CTNNA2: variants seen among roughly 807,000 people sequenced by gnomAD.
CTNNA2 encodes the protein catenin alpha-2.
Under a neutral mutation model 101.0 loss-of-function variants are expected in CTNNA2, and 42 were observed. The ratio of observed to expected loss-of-function variants is 0.42; its 90% CI spans 0.32 to 0.54. The LOEUF is 0.54. Among genes scored for constraint, CTNNA2 ranks in the 20% least tolerant of loss-of-function variants. The pLI is 0.14. For missense variants in CTNNA2, 871 were observed against 1,223.1 expected (o/e 0.71, Z 4.29); for synonymous variants, 450 against 456.4 (o/e 0.99, Z 0.18).
At chr2:79,545,877 A>T (rs1673701042) in intron 1 of CTNNA2, among the ~76,000 whole-genome samples, 1 of 152,240 alleles carries the variant, frequency 6.6e-6, no homozygotes, top group Admixed American at 6.5e-5. Context: ...AAAGCACTTC[A>T]TATGTGTCAG....
chr2:79,350,977 A>G (rs530832743), intron 3 of CTNNA2, among the ~76,000 whole-genome samples: 1 of 152,128 alleles, frequency 6.6e-6, no homozygotes, highest in Non-Finnish European at 1.5e-5. Flanking sequence ...CCACTTGTTA[A>G]TGTTTTTGTT....
At position 79,950,227 on chromosome 2, in the gene CTNNA2, G is replaced by A. The variant is rs144649251; in HGVS notation, c.1056+40430G>A. On this transcript the variant is annotated intron_variant, in intron 7 of 18. Transcript: ENST00000402739. The stretch of plus-strand genomic sequence containing the variant: ...AAGCATCCTATGTGAGAGAAAAATT[G>A]TATTCATTACGAACAAAAAACCACA... Among the ~76,000 whole-genome samples, 653 of 151,480 alleles carry A rather than the reference G, an allele frequency of 4.3e-3. 5 individuals carry two copies. The highest frequency in any genetic ancestry group is 0.014 in the African/African-American group (593 of 41,328).
At chr2:79,636,034 G>A (rs1444643722) in intron 1 of CTNNA2, among the ~76,000 whole-genome samples, 1 of 150,222 alleles carries the variant, frequency 6.7e-6, no homozygotes, top group Non-Finnish European at 1.5e-5. Context: ...GGCTGAGGCA[G>A]GCGGATCACG....
In CTNNA2 at chr2:79,311,191, C is replaced by G. The variant is rs1676359472; in HGVS notation, c.-405-1518C>G. Among the ~76,000 whole-genome samples the G allele has an allele frequency of 2.0e-5, 3 of 152,118 alleles. No homozygotes were observed. In the South Asian group the frequency reaches 6.2e-4, roughly 32 times the overall value. ...TTGGGAGGCCGAGGCGGGCGGATCA[C>G]GAGGTCAGGAGATCGAGACCATTCT... On this transcript the variant is annotated intron_variant, in intron 2 of 21. Coordinates refer to the CTNNA2 transcript ENST00000466387.
In CTNNA2 at chr2:80,595,234, A is replaced by G. The variant is rs530942419; in HGVS notation, c.2189+5749A>G. ...GGTTAAGCTTATTCCTAAACATTTTATTTTTTTGATACTGTTCTAAATGGA... is the reference window on the plus strand; with the variant it reads ...GGTTAAGCTTATTCCTAAACATTTTGTTTTTTTGATACTGTTCTAAATGGA... On this transcript the variant is annotated intron_variant, in intron 15 of 18. Transcript: ENST00000402739. Among the ~76,000 whole-genome samples the G allele has an allele frequency of 4.6e-5, 7 of 152,088 alleles. No homozygotes were observed. The East Asian group carries it at 1.2e-3, about 25-fold the overall frequency.
intron 9 of CTNNA2, among the ~76,000 whole-genome samples, chr2:80,491,514 T>C (rs1392885332): frequency 6.6e-6 from 1 of 152,206 alleles, no homozygotes; most frequent in African/African-American, 2.4e-5. Flanking sequence ...TTTGCTAATA[T>C]AATTCAGAAG....
chr2:79,211,042 G>C (rs6719606), intron 2 of CTNNA2, among the ~76,000 whole-genome samples: 94,694 of 151,998 alleles, frequency 0.62, 31,319 homozygotes, highest in African/African-American at 0.86. Flanking sequence ...AATATAAAAT[G>C]AAAACTGGAA....
chr2:79,316,153 T>C (rs1229012282), intron 3 of CTNNA2, among the ~76,000 whole-genome samples: 2 of 152,082 alleles, frequency 1.3e-5, no homozygotes, highest in Non-Finnish European at 2.9e-5. Context: ...ATTCATGCTT[T>C]TGTATGTGGA....
At chr2:80,353,750 C>A (rs149248) in intron 7 of CTNNA2, among the ~76,000 whole-genome samples, 13,813 of 152,062 alleles carry the variant, frequency 0.091, 749 homozygotes, top group South Asian at 0.21. Context: ...ATGAGATAAC[C>A]CAGGTGAAAG....
intron 7 of CTNNA2, among the ~76,000 whole-genome samples, chr2:79,983,258 A>G (rs1691516889): frequency 6.6e-6 from 1 of 150,876 alleles, no homozygotes; most frequent in African/African-American, 2.4e-5. Context: ...ATAGTTTAAC[A>G]TTATATACAT....
chr2:80,235,712 A>C (rs1393408009), intron 7 of CTNNA2, among the ~76,000 whole-genome samples: 1 of 152,184 alleles, frequency 6.6e-6, no homozygotes, highest in African/African-American at 2.4e-5. Context: ...GTGAAGAATC[A>C]AGTACCTGGT....
At chr2:79,584,616 C>T (rs1265321803) in intron 1 of CTNNA2, among the ~76,000 whole-genome samples, 1 of 151,670 alleles carries the variant, frequency 6.6e-6, no homozygotes, top group Admixed American at 6.6e-5. Flanking sequence ...TCTCTGCCTC[C>T]TAGGTTCAAG....
intron 7 of CTNNA2, among the ~76,000 whole-genome samples, chr2:80,231,820 G>A (rs1709230956): frequency 6.6e-6 from 1 of 152,136 alleles, no homozygotes; most frequent in African/African-American, 2.4e-5. Flanking sequence ...GTCTCTTATG[G>A]AAGAAATTTG....
At chr2:79,712,568 C>A (rs2104816049) in intron 2 of CTNNA2, among the ~76,000 whole-genome samples, 1 of 151,930 alleles carries the variant, frequency 6.6e-6, no homozygotes, top group Admixed American at 6.5e-5. Context: ...TAGGATGAGG[C>A]AATATGTCAA....
intron 6 of CTNNA2, among the ~76,000 whole-genome samples, chr2:79,881,008 G>C (rs1213294947): frequency 6.6e-6 from 1 of 151,996 alleles, no homozygotes; most frequent in African/African-American, 2.4e-5. Context: ...AGAGATTTTG[G>C]TATGTTATCT....
intron 7 of CTNNA2, among the ~76,000 whole-genome samples, chr2:79,922,526 C>T (rs1686737350): frequency 2.0e-5 from 3 of 151,106 alleles, no homozygotes. Flanking sequence ...CAGACATTGC[C>T]TTTTTTTTTC....
Position 79,977,222 on chromosome 2 carries a change from G to A in CTNNA2, c.1056+67425G>A, listed in dbSNP as rs1045664241. Among the ~76,000 whole-genome samples, 1,161 of 144,804 alleles carry A rather than the reference G, an allele frequency of 8.0e-3. 13 individuals carry two copies. The highest frequency in any genetic ancestry group is 0.028 in the African/African-American group (1,081 of 38,466). 95.0% of individuals were successfully genotyped at this position (144,804 alleles called of 152,430 possible). A position where few individuals can be genotyped will look rare whatever the true frequency, so the allele number is the denominator to read the frequency against. On this transcript the variant is annotated intron_variant, in intron 7 of 18. Transcript: ENST00000402739. ...CACACACGTGCACATGCATATGCAT[G>A]CACACACACACACACACACACACAC... is the stretch of plus-strand genomic sequence containing the variant.
chr2:80,337,049 G>A (rs1344683153), intron 7 of CTNNA2, among the ~76,000 whole-genome samples: 5 of 152,140 alleles, frequency 3.3e-5, no homozygotes, highest in Admixed American at 3.3e-4. Context: ...ACTGGGTGGG[G>A]TGTGGGCATA....
intron 1 of CTNNA2, among the ~76,000 whole-genome samples, chr2:79,628,909 A>G (rs933805069): frequency 3.9e-5 from 6 of 152,130 alleles, no homozygotes; most frequent in Non-Finnish European, 4.4e-5. Context: ...AACCTTAGCA[A>G]CTCTGCCTTT....
Sources: gnomAD v4.1 joint callset for allele counts (sites outside exome capture counted in the v4.1 genomes callset) on GRCh38, gnomAD v4.1.1 for gene constraint, MANE v1.5 for transcripts, NCBI Gene and HGNC (gene_info 2026-07-23, HGNC 2026-07-21) for gene names.